Variants in DST observed in about 807,000 individuals in gnomAD.
The protein encoded by DST is bullous pemphigoid antigen.
A neutral mutation model predicts 875.2 loss-of-function variants in DST; 253 were observed. The observed-to-expected ratio is 0.29, with a 90% CI of 0.26 to 0.32. The LOEUF is 0.32. DST is among the 10% of genes least tolerant of loss of function. DST has a pLI of 1.00. For synonymous variants in DST, 3,124 were observed against 3,197.1 expected (o/e 0.98, Z 0.77); for missense variants, 8,287 against 9,111.6 (o/e 0.91, Z 3.68).
intron 78 of DST, 99 bp from the exon 79 acceptor site, chr6:56,501,792 T>C (rs917922974): frequency 1.2e-6 from 1 of 846,304 alleles, no homozygotes; most frequent in Non-Finnish European, 1.7e-6. Context: ...TCACACTACT[T>C]ACTGAGGGGA....
At chr6:56,527,919 TA>T (rs1448656672) in intron 67 of DST, among the ~76,000 whole-genome samples, 185 bp from the exon 68 acceptor site, 1 of 152,204 alleles carries the variant, frequency 6.6e-6, no homozygotes, top group African/African-American at 2.4e-5. Flanking sequence ...CCAGCAAATC[TA>T]AATCACTCTG....
intron 2 of DST, among the ~76,000 whole-genome samples, chr6:56,950,009 A>T (rs1428877277): frequency 6.6e-6 from 1 of 152,216 alleles, no homozygotes; most frequent in Non-Finnish European, 1.5e-5. Flanking sequence ...CCAGTTCAGT[A>T]TTATAAGAAA....
intron 4 of DST, among the ~76,000 whole-genome samples, chr6:56,801,867 A>G (rs1333931143): frequency 1.3e-5 from 2 of 150,914 alleles, no homozygotes; most frequent in African/African-American, 4.9e-5. Context: ...CTCCTGACTC[A>G]GCCTCCCGAG....
At chr6:56,517,410 G>C (rs1181592359) in intron 70 of DST, 91 bp downstream of exon 70, 1 of 1,583,084 alleles carries the variant, frequency 6.3e-7, no homozygotes, top group Non-Finnish European at 8.6e-7. Context: ...CACTAGAGGG[G>C]TCTTAAAAAG....
At chr6:56,661,442 C>T (rs1430933233) in intron 10 of DST, among the ~76,000 whole-genome samples, 1 of 152,144 alleles carries the variant, frequency 6.6e-6, no homozygotes, top group Non-Finnish European at 1.5e-5. Flanking sequence ...CAAAACCCAT[C>T]TTCCCTCAAG....
chr6:56,521,700 A>G (rs1414258159), intron 69 of DST, among the ~76,000 whole-genome samples: 1 of 152,064 alleles, frequency 6.6e-6, no homozygotes, highest in African/African-American at 2.4e-5. Flanking sequence ...GTTAAGCAAC[A>G]AAGGGAGTAG....
intron 103 of DST, 94 bp from the exon 104 acceptor site, chr6:56,459,361 T>G: frequency 7.3e-7 from 1 of 1,360,954 alleles, no homozygotes. Context: ...CTTAACTTTT[T>G]TTCCTGGTGT....
At chr6:56,938,459 G>A (rs564210719) in intron 2 of DST, among the ~76,000 whole-genome samples, 4 of 152,150 alleles carry the variant, frequency 2.6e-5, no homozygotes, top group South Asian at 2.1e-4. Flanking sequence ...GCCTAAAAAC[G>A]TCTGGTAGAA....
chr6:56,755,883 T>G (rs2099601276), intron 4 of DST, among the ~76,000 whole-genome samples: 1 of 152,214 alleles, frequency 6.6e-6, no homozygotes, highest in African/African-American at 2.4e-5. Context: ...TGGAAAGATG[T>G]TTCCAAATTG....
intron 36 of DST, 176 bp from the exon 37 acceptor site, chr6:56,614,660 C>T: frequency 3.2e-6 from 4 of 1,236,084 alleles, no homozygotes; most frequent in Non-Finnish European, 4.0e-6. Context: ...GATGCACCTC[C>T]AAAATGTTTA....
intron 90 of DST, among the ~76,000 whole-genome samples, chr6:56,480,628 ATGAATAG>A (rs1412950118): frequency 6.6e-6 from 1 of 152,248 alleles, no homozygotes; most frequent in Non-Finnish European, 1.5e-5. Flanking sequence ...ATGGAAAAGA[ATGAATAG>A]TGTTACTGCA....
At chr6:56,476,695 G>A (rs558662201) in intron 91 of DST, among the ~76,000 whole-genome samples, 36 of 152,278 alleles carry the variant, frequency 2.4e-4, no homozygotes, top group Admixed American at 5.9e-4. Context: ...GGTGGCTCAC[G>A]CCTGTAATCC....
At chr6:56,762,856 T>G (rs2099620667) in intron 4 of DST, among the ~76,000 whole-genome samples, 1 of 149,340 alleles carries the variant, frequency 6.7e-6, no homozygotes, top group South Asian at 2.1e-4. Flanking sequence ...TTTTTTTTTT[T>G]TTTTTTTTTT....
chr6:56,917,780 T>C (rs1461471174), intron 2 of DST, among the ~76,000 whole-genome samples: 1 of 152,210 alleles, frequency 6.6e-6, no homozygotes, highest in South Asian at 2.1e-4. Flanking sequence ...CATCTTTGTG[T>C]CCTTCATTGC....
chr6:56,801,717 T>C (rs2099747172), intron 4 of DST, among the ~76,000 whole-genome samples: 1 of 151,952 alleles, frequency 6.6e-6, no homozygotes, highest in Admixed American at 6.6e-5. Context: ...TATTTAATGT[T>C]CTAATCTTAC....
chr6:56,757,971 C>G (rs945613942), intron 4 of DST, among the ~76,000 whole-genome samples: 3 of 152,196 alleles, frequency 2.0e-5, no homozygotes, highest in African/African-American at 7.2e-5. Flanking sequence ...CCCACAAATA[C>G]AATGCTTTCC....
chr6:56,657,308 G>C (rs2099014045), intron 10 of DST, among the ~76,000 whole-genome samples: 2 of 152,010 alleles, frequency 1.3e-5, no homozygotes, highest in South Asian at 2.1e-4. Context: ...AAATATACAA[G>C]AAAAGAACAC....
chr6:56,588,398 C>T (rs956008129), intron 49 of DST, among the ~76,000 whole-genome samples: 1 of 152,196 alleles, frequency 6.6e-6, no homozygotes, highest in African/African-American at 2.4e-5. Context: ...TAATACTCAG[C>T]TGGAAAACCT....
chr6:56,922,779 TCTA>T (rs1804968723), intron 2 of DST, among the ~76,000 whole-genome samples: 1 of 152,204 alleles, frequency 6.6e-6, no homozygotes, highest in Non-Finnish European at 1.5e-5. Context: ...GTTTGGAATT[TCTA>T]CTACCTTTTG....
Sources: gnomAD v4.1 joint callset for allele counts (sites outside exome capture counted in the v4.1 genomes callset) on GRCh38, gnomAD v4.1.1 for gene constraint, MANE v1.5 for transcripts, NCBI Gene and HGNC (gene_info 2026-07-23, HGNC 2026-07-21) for gene names.